Variants in HDAC8 observed in about 807,000 individuals in gnomAD.
The protein encoded by HDAC8 is histone deacetylase 8, also known as histone deacetylase-like 1.
A neutral mutation model predicts 32.2 loss-of-function variants in HDAC8; 1 was observed. The ratio of observed to expected loss-of-function variants is 0.03; its 90% CI spans 0.01 to 0.15. The LOEUF (loss-of-function observed/expected upper bound fraction) is 0.15. Among genes scored for constraint, HDAC8 ranks in the 10% least tolerant of loss-of-function variants. HDAC8 has a pLI of 1.00. For missense variants in HDAC8, 117 were observed against 300.0 expected (o/e 0.39, Z 4.51); for synonymous variants, 108 against 113.9 (o/e 0.95, Z 0.33).
At chrX:72,446,477 T>C (rs1299057495) in intron 9 of HDAC8, among the ~76,000 whole-genome samples, 94 of 110,273 alleles carry the variant, frequency 8.5e-4, no homozygotes, top group African/African-American at 3.0e-3. Context: ...TAGGTGGGAA[T>C]TGAACAATGA....
chrX:72,342,851 A>C (rs782387253), intron 10 of HDAC8, among the ~76,000 whole-genome samples: 1 of 111,339 alleles, frequency 9.0e-6, no homozygotes, highest in Non-Finnish European at 1.9e-5. Context: ...CAGGCTAATT[A>C]ACTCCCCTAG....
At chrX:72,340,585 C>T (rs782720445) in intron 10 of HDAC8, among the ~76,000 whole-genome samples, 9 of 111,587 alleles carry the variant, frequency 8.1e-5, no homozygotes, top group Non-Finnish European at 1.1e-4. Flanking sequence ...ATGCTAATAT[C>T]CCCTATTCAC....
At position 72,456,656 on chromosome X, in the gene HDAC8, G is replaced by A. The variant is rs1054493904; in HGVS notation, c.1005+5348C>T. ...TCTACTAAAAATACAAAAATTAGCC[G>A]GGTGTGGTGGTGCGCGCCTATAGTC... is the stretch of plus-strand genomic sequence containing the variant. On this transcript the variant is annotated intron_variant, in intron 9 of 10. Transcript: ENST00000373573. Among the ~76,000 whole-genome samples the A allele has an allele frequency of 4.5e-5, 5 of 110,484 alleles. No individual in the cohort carries two copies. The Admixed American group carries it at 4.8e-4, about 11-fold the overall frequency.
chrX:72,474,943 A>C (rs782408818), intron 7 of HDAC8, among the ~76,000 whole-genome samples: 3 of 111,445 alleles, frequency 2.7e-5, no homozygotes, highest in Non-Finnish European at 5.7e-5. Context: ...TATTTAGATA[A>C]TCAATATCCT....
chrX:72,384,953 C>T (rs1362627984), intron 9 of HDAC8, among the ~76,000 whole-genome samples: 12 of 111,916 alleles, frequency 1.1e-4, no homozygotes, highest in African/African-American at 3.6e-4. Flanking sequence ...CATATGTTGC[C>T]AATCTTCTAC....
chrX:72,408,556 T>A (rs1454446679), intron 9 of HDAC8, among the ~76,000 whole-genome samples: 1 of 111,293 alleles, frequency 9.0e-6, no homozygotes, highest in African/African-American at 3.3e-5. Context: ...AGGTATGTGC[T>A]GCCACACCTG....
intron 9 of HDAC8, among the ~76,000 whole-genome samples, chrX:72,458,472 C>G (rs1410886834): frequency 8.9e-6 from 1 of 112,355 alleles, no homozygotes; most frequent in Non-Finnish European, 1.9e-5. Context: ...ACACCTGTTT[C>G]CTATAGCTGG....
At chrX:72,426,906 AAG>A (rs781951869) in intron 9 of HDAC8, among the ~76,000 whole-genome samples, 2 of 109,780 alleles carry the variant, frequency 1.8e-5, no homozygotes, top group East Asian at 5.8e-4. Flanking sequence ...TAAGAAGAGG[AAG>A]AGAGAGAGAT....
intron 6 of HDAC8, among the ~76,000 whole-genome samples, chrX:72,490,296 A>G (rs1357925513): frequency 1.8e-5 from 2 of 110,641 alleles, no homozygotes; most frequent in Non-Finnish European, 3.8e-5. Flanking sequence ...ATAAAGACAC[A>G]TGCATACGTA....
In HDAC8 at chrX:72,329,681, A is replaced by G; in HGVS notation, c.*373T>C. The stretch of plus-strand genomic sequence containing the variant: ...CTGCCTGTCAGCTGCCTCCTGCCCT[A>G]CAAACTGGTGACTGCTCTCATCCAG... On this transcript the variant is annotated 3_prime_UTR_variant, in exon 11 of 11. Transcript: ENST00000373573. 1 of 1,189,423 alleles carries G rather than the reference A, an allele frequency of 8.4e-7. No homozygotes were observed. The highest frequency in any genetic ancestry group is 1.1e-6 in the Non-Finnish European group (1 of 884,079).
chrX:72,447,305 T>A (rs1163176341), intron 9 of HDAC8, among the ~76,000 whole-genome samples: 1 of 111,853 alleles, frequency 8.9e-6, no homozygotes, highest in Non-Finnish European at 1.9e-5. Context: ...ATAAACGTAA[T>A]CCATCACATA....
At chrX:72,565,734 C>G (rs1307587930) in intron 4 of HDAC8, among the ~76,000 whole-genome samples, 1 of 111,811 alleles carries the variant, frequency 8.9e-6, no homozygotes, top group Non-Finnish European at 1.9e-5. Context: ...CTTGCCAAGC[C>G]CAAGAGGACC....
intron 9 of HDAC8, among the ~76,000 whole-genome samples, chrX:72,366,852 G>A (rs1034567746): frequency 9.0e-6 from 1 of 111,563 alleles, no homozygotes; most frequent in African/African-American, 3.3e-5. Context: ...CTGAGACAAC[G>A]CTTCCACTCA....
At chrX:72,390,518 T>C (rs974558644) in intron 9 of HDAC8, among the ~76,000 whole-genome samples, 1 of 112,229 alleles carries the variant, frequency 8.9e-6, no homozygotes, top group Admixed American at 9.5e-5. Flanking sequence ...ACACTGAACC[T>C]AGCATTGTGC....
At chrX:72,413,914 C>T (rs782598123) in intron 9 of HDAC8, among the ~76,000 whole-genome samples, 3 of 112,041 alleles carry the variant, frequency 2.7e-5, no homozygotes, top group South Asian at 7.6e-4. Flanking sequence ...ATATTGCTTA[C>T]GATAAATCAC....
intron 1 of HDAC8, 52 bp downstream of exon 1, chrX:72,572,599 G>GGCCCCCCCCC: frequency 1.5e-5 from 7 of 453,095 alleles, no homozygotes; most frequent in East Asian, 4.7e-5. Context: ...TTCGTCCACC[G>GGCCCCCCCCC]CCCCCACCCC....
In HDAC8 at chrX:72,418,681, G is replaced by T. The variant is rs781791041; in HGVS notation, c.1005+43323C>A. ...CATTCAACCCAGCACTCCCATTATT[G>T]GGTATATACTCAAAGGAATAGAAAT... On this transcript the variant is annotated intron_variant, in intron 9 of 10. Coordinates refer to ENST00000373573, the MANE Select transcript of HDAC8 (RefSeq NM_018486.3). 8.1e-5 allele frequency among the ~76,000 whole-genome samples: 9 copies of T among 111,711 alleles called. No homozygotes were observed. The South Asian group carries it at 3.3e-3, about 42-fold the overall frequency.
chrX:72,408,791 A>T (rs6525598), intron 9 of HDAC8, among the ~76,000 whole-genome samples: 6,692 of 111,474 alleles, frequency 0.06, 487 homozygotes, highest in African/African-American at 0.21. Flanking sequence ...AGACAGCAAG[A>T]AGGGCCTATG....
chrX:72,468,461 G>C (rs1330346583), intron 7 of HDAC8, among the ~76,000 whole-genome samples: 1 of 111,388 alleles, frequency 9.0e-6, no homozygotes, highest in Non-Finnish European at 1.9e-5. Flanking sequence ...AAAAAAAATT[G>C]GAATATTATT....
Sources: allele counts gnomAD v4.1 joint callset (sites outside exome capture counted in the v4.1 genomes callset), GRCh38; gene constraint gnomAD v4.1.1; transcripts MANE v1.5; gene names NCBI Gene and HGNC (gene_info 2026-07-23, HGNC 2026-07-21).